Variants in SLC24A2 observed in about 807,000 individuals in gnomAD.
SLC24A2 encodes solute carrier family 24 member 2.
In SLC24A2, 36 loss-of-function variants were observed where a neutral mutation model predicts 62.0. The observed-to-expected ratio is 0.58, with a 90% CI of 0.44 to 0.77. SLC24A2 has a LOEUF of 0.77. Among genes scored for constraint, SLC24A2 ranks in the 30% least tolerant of loss-of-function variants. The pLI, the probability that SLC24A2 is intolerant of heterozygous loss-of-function variation, is 0.00. For missense variants in SLC24A2, 846 were observed against 817.9 expected (o/e 1.03, Z -0.42); for synonymous variants, 358 against 294.0 (o/e 1.22, Z -2.23).
the SLC24A2 span, among the ~76,000 whole-genome samples, chr9:20,246,629 A>C: frequency 6.6e-6 from 1 of 152,266 alleles, no homozygotes; most frequent in Admixed American, 6.5e-5. Context: ...CAGAATGCAG[A>C]TCTCCCTCAA....
At chr9:20,181,921 A>G in the SLC24A2 span, among the ~76,000 whole-genome samples, 971 of 152,326 alleles carry the variant, frequency 6.4e-3, 4 homozygotes, top group African/African-American at 0.018. Flanking sequence ...TCTACAATGA[A>G]CTCAAACAAA....
At chr9:19,912,099 C>G in the SLC24A2 span, among the ~76,000 whole-genome samples, 1 of 152,074 alleles carries the variant, frequency 6.6e-6, no homozygotes, top group African/African-American at 2.4e-5. Context: ...AATGGAGTGT[C>G]GTGGAGGTAT....
chr9:19,776,297 G>C (rs1277736200), intron 2 of SLC24A2, among the ~76,000 whole-genome samples: 1 of 152,200 alleles, frequency 6.6e-6, no homozygotes, highest in Non-Finnish European at 1.5e-5. Flanking sequence ...ACAGGCTCAA[G>C]TTCAAACGCC....
intron 2 of SLC24A2, among the ~76,000 whole-genome samples, chr9:19,646,500 A>C (rs1273114053): frequency 6.6e-6 from 1 of 152,192 alleles, no homozygotes; most frequent in East Asian, 1.9e-4. Flanking sequence ...CTGTCAGGCC[A>C]GGTTTGCCTT....
chr9:20,178,516 T>C, the SLC24A2 span, among the ~76,000 whole-genome samples: 19 of 152,310 alleles, frequency 1.2e-4, no homozygotes, highest in Admixed American at 1.2e-3. Flanking sequence ...CAGATTTTAA[T>C]GAGACAAATG....
the SLC24A2 span, among the ~76,000 whole-genome samples, chr9:20,017,963 T>C: frequency 6.6e-6 from 1 of 152,172 alleles, no homozygotes; most frequent in Non-Finnish European, 1.5e-5. Flanking sequence ...CTTTTCTTTT[T>C]TTACACGGAG....
chr9:19,876,365 C>CATGT, the SLC24A2 span, among the ~76,000 whole-genome samples: 7 of 145,524 alleles, frequency 4.8e-5, no homozygotes. Flanking sequence ...TTATTGAAGG[C>CATGT]GTGTGTGTGT....
At chr9:20,296,767 A>G in the SLC24A2 span, among the ~76,000 whole-genome samples, 9 of 152,230 alleles carry the variant, frequency 5.9e-5, no homozygotes, top group African/African-American at 1.9e-4. Context: ...AGAATTGCCA[A>G]TCATAGTGGT....
the SLC24A2 span, among the ~76,000 whole-genome samples, chr9:19,827,515 A>ATAT: frequency 3.3e-5 from 5 of 151,258 alleles, no homozygotes; most frequent in Admixed American, 2.6e-4. Context: ...TATATATATA[A>ATAT]AAATTAGCTT....
the SLC24A2 span, among the ~76,000 whole-genome samples, chr9:20,116,037 G>C: frequency 6.6e-6 from 1 of 152,166 alleles, no homozygotes; most frequent in Non-Finnish European, 1.5e-5. Context: ...TCTATGAACT[G>C]TATTTGGTGA....
chr9:19,592,014 G>GAAT (rs1836567471), intron 5 of SLC24A2, among the ~76,000 whole-genome samples: 1 of 152,166 alleles, frequency 6.6e-6, no homozygotes, highest in African/African-American at 2.4e-5. Flanking sequence ...AAACATTGCT[G>GAAT]AATGGTATTC....
At chr9:19,775,915 A>G (rs529171132) in intron 2 of SLC24A2, among the ~76,000 whole-genome samples, 1 of 152,370 alleles carries the variant, frequency 6.6e-6, no homozygotes, top group Admixed American at 6.5e-5. Flanking sequence ...AAGAAGGAGA[A>G]AAAAACGTTC....
the SLC24A2 span, among the ~76,000 whole-genome samples, chr9:19,968,735 G>A: frequency 1.1e-3 from 161 of 152,242 alleles, 1 homozygote; most frequent in Non-Finnish European, 1.7e-3. Context: ...GCCCTCTAAT[G>A]CTCTGCTTTT....
chr9:19,786,664 C>G lies in SLC24A2; in HGVS notation c.203G>C (p.Gly68Ala). ...AFSETDTQST[G>A]EASVVSGPRV... Reference sequence around the variant, plus strand: ...AGGGCCACTTACAACACTGGCCTCTCCTGTGCTCTGTGTATCTGTCTCAGA... The same window carrying G: ...AGGGCCACTTACAACACTGGCCTCTGCTGTGCTCTGTGTATCTGTCTCAGA... Residue 68 changes from glycine (G) to alanine (A), a missense_variant, in exon 2 of 11, where the codon GGA (glycine) becomes GCA (alanine). By Grantham distance (60) the Gly-to-Ala change is moderately conservative. Coordinates refer to ENST00000341998, the MANE Select transcript of SLC24A2 (RefSeq NM_020344.4). This position sits in a 1 kb window ranked among gnomAD's most constrained non-coding sequence, Gnocchi z 5.0. 6.2e-7 allele frequency: 1 copy of G among 1,614,010 alleles called. No individual in the cohort carries two copies. Among genetic ancestry groups the G allele is most frequent in the South Asian group, 1.1e-5 (1 of 91,040 alleles).
chr9:19,838,252 A>G, the SLC24A2 span, among the ~76,000 whole-genome samples: 6 of 152,306 alleles, frequency 3.9e-5, no homozygotes, highest in African/African-American at 1.4e-4. Context: ...CAGAGCCCTC[A>G]GAAATAATGC....
At chr9:20,184,348 G>A in the SLC24A2 span, among the ~76,000 whole-genome samples, 33 of 152,202 alleles carry the variant, frequency 2.2e-4, no homozygotes, top group Non-Finnish European at 3.8e-4. Flanking sequence ...CAAGAGAAAC[G>A]AGACCATCCT....
chr9:20,305,525 G>A, the SLC24A2 span, among the ~76,000 whole-genome samples: 2 of 152,292 alleles, frequency 1.3e-5, no homozygotes, highest in South Asian at 2.1e-4. Context: ...AATAACAGCT[G>A]TCGTTTTTGT....
intron 4 of SLC24A2, among the ~76,000 whole-genome samples, chr9:19,616,583 A>G (rs530871806): frequency 2.4e-4 from 37 of 152,312 alleles, no homozygotes; most frequent in African/African-American, 8.4e-4. Context: ...CATGGTCAAT[A>G]TCAGGTCAAT....
chr9:19,530,701 T>G (rs755932675), intron 8 of SLC24A2, among the ~76,000 whole-genome samples: 1 of 152,182 alleles, frequency 6.6e-6, no homozygotes, highest in Non-Finnish European at 1.5e-5. Flanking sequence ...TTGATGCCCA[T>G]GATTCTTAAT....
Sources: gnomAD v4.1 joint callset for allele counts (sites outside exome capture counted in the v4.1 genomes callset) on GRCh38, gnomAD v4.1.1 for gene constraint, Gnocchi (gnomAD v3.1) non-coding constraint, MANE v1.5 for transcripts, NCBI Gene and HGNC (gene_info 2026-07-23, HGNC 2026-07-21) for gene names.